COP1: variants seen among roughly 807,000 people sequenced by gnomAD.
COP1 encodes the protein E3 ubiquitin-protein ligase COP1.
Under a neutral mutation model 101.3 loss-of-function variants are expected in COP1, and 24 were observed. The ratio of observed to expected loss-of-function variants is 0.24; its 90% CI spans 0.17 to 0.33. The LOEUF is 0.33. COP1 is among the 10% of genes least tolerant of loss of function. The pLI is 1.00. For missense variants in COP1, 663 were observed against 906.2 expected (o/e 0.73, Z 3.45); for synonymous variants, 347 against 341.9 (o/e 1.01, Z -0.17).
chr1:176,139,288 C>CAAAAA (rs563184945), intron 6 of COP1, among the ~76,000 whole-genome samples: 1 of 108,382 alleles, frequency 9.2e-6, no homozygotes, highest in African/African-American at 3.2e-5. Context: ...ACAAAAAAAA[C>CAAAAA]AAAAAAAAAA....
chr1:175,999,478 A>G (rs1189296413), intron 15 of COP1, among the ~76,000 whole-genome samples: 3 of 151,928 alleles, frequency 2.0e-5, no homozygotes, highest in Non-Finnish European at 2.9e-5. Flanking sequence ...TCCATTTTGT[A>G]TATGTACCAC....
chr1:176,190,852 G>A (rs1203996580), intron 1 of COP1, among the ~76,000 whole-genome samples: 1 of 151,784 alleles, frequency 6.6e-6, no homozygotes, highest in African/African-American at 2.4e-5. Context: ...TTCATAAAAT[G>A]TGTCAACTGT....
At position 176,133,758 on chromosome 1, in the gene COP1, TAAAC is replaced by T. The variant is rs1289426334; in HGVS notation, c.968+1248_968+1251del. 1.2e-5 allele frequency: 5 copies of T among 408,630 alleles called. No individual in the cohort carries two copies. The East Asian group carries it at 2.8e-4, about 23-fold the overall frequency. 25.3% of individuals were successfully genotyped at this position (408,630 alleles called of 1,614,324 possible). A position where few individuals can be genotyped will look rare whatever the true frequency, so the allele number is the denominator to read the frequency against. ...ATATACAAAAAAAATTTGCTACTGTTAAACAGAGAGGAAAAAGACAATGGGAATG... is the reference window on the plus strand; with the variant it reads ...ATATACAAAAAAAATTTGCTACTGTTAGAGAGGAAAAAGACAATGGGAATG... On this transcript the variant is annotated intron_variant, in intron 8 of 19. Transcript: ENST00000367669.
chr1:176,187,335 T>G (rs1157219009), intron 1 of COP1, among the ~76,000 whole-genome samples: 4 of 151,942 alleles, frequency 2.6e-5, no homozygotes, highest in Admixed American at 1.3e-4. Flanking sequence ...CATATACACA[T>G]ATATACACAC....
chr1:175,997,074 C>A (rs150147152), intron 15 of COP1, among the ~76,000 whole-genome samples: 2 of 151,412 alleles, frequency 1.3e-5, no homozygotes, highest in Non-Finnish European at 2.9e-5. Flanking sequence ...GAACAGAACA[C>A]AGTCCTCAGA....
chr1:176,159,571 C>T (rs780641670), intron 5 of COP1, among the ~76,000 whole-genome samples: 7 of 151,934 alleles, frequency 4.6e-5, no homozygotes, highest in South Asian at 2.1e-4. Flanking sequence ...ACCTAAATGC[C>T]CATCAATAGA....
intron 1 of COP1, among the ~76,000 whole-genome samples, chr1:176,205,889 G>T (rs1700791847): frequency 6.6e-6 from 1 of 152,196 alleles, no homozygotes; most frequent in South Asian, 2.1e-4. Context: ...TTTAACAAAC[G>T]TGGTTCTCTC....
rs114319140 is a variant in COP1, at chr1:176,183,430, T to C, written c.467+1203A>G. Among the ~76,000 whole-genome samples the C allele has an allele frequency of 1.9e-3, 290 of 152,340 alleles. 3 individuals are homozygous for C. The highest frequency in any genetic ancestry group is 6.7e-3 in the African/African-American group (280 of 41,584). On this transcript the variant is annotated intron_variant, in intron 2 of 19. Transcript: ENST00000367669. ...ATTACACATCCATCAGGATGGCTAC[T>C]ATCAAAAACCAACAACAGAAAATAA...
intron 15 of COP1, among the ~76,000 whole-genome samples, chr1:176,002,430 G>T (rs1325900852): frequency 6.6e-6 from 1 of 151,846 alleles, no homozygotes; most frequent in Non-Finnish European, 1.5e-5. Context: ...ATGTATACAT[G>T]TGCCATGCTG....
At chr1:176,201,099 G>A (rs1399589954) in intron 1 of COP1, among the ~76,000 whole-genome samples, 3 of 152,138 alleles carry the variant, frequency 2.0e-5, no homozygotes, top group East Asian at 3.9e-4. Flanking sequence ...ACTATCAGAG[G>A]AAATGCTCAC....
chr1:176,040,708 C>T (rs2149160736), intron 14 of COP1, among the ~76,000 whole-genome samples: 1 of 152,248 alleles, frequency 6.6e-6, no homozygotes, highest in East Asian at 1.9e-4. Context: ...AGGGGCAGTC[C>T]ACTCTTGTTT....
chr1:175,973,181 A>G (rs944970409), intron 18 of COP1, among the ~76,000 whole-genome samples: 8 of 152,188 alleles, frequency 5.3e-5, no homozygotes, highest in Non-Finnish European at 8.8e-5. Flanking sequence ...AGTGAAATGT[A>G]TTTGGTTAAA....
At chr1:176,165,585 C>T (rs1430845037) in intron 3 of COP1, among the ~76,000 whole-genome samples, 1 of 152,050 alleles carries the variant, frequency 6.6e-6, no homozygotes, top group Admixed American at 6.6e-5. Flanking sequence ...GTCTCAGCTA[C>T]TCGGGAGGCT....
chr1:175,972,895 C>T (rs376983016), intron 18 of COP1, among the ~76,000 whole-genome samples: 1 of 152,142 alleles, frequency 6.6e-6, no homozygotes, highest in Non-Finnish European at 1.5e-5. Flanking sequence ...TGCAATGGCA[C>T]GATCTTGGCT....
chr1:176,081,109 A>G (rs1279011029), intron 11 of COP1, 43 bp downstream of exon 11: 2 of 1,495,044 alleles, frequency 1.3e-6, no homozygotes, highest in South Asian at 2.4e-5. Flanking sequence ...ATTAGATTCT[A>G]GACATTCTTA....
intron 9 of COP1, among the ~76,000 whole-genome samples, chr1:176,090,323 G>C (rs1363931041): frequency 6.6e-6 from 1 of 152,128 alleles, no homozygotes. Flanking sequence ...TTGGGCACAT[G>C]TTCTCAGGAC....
At chr1:176,196,099 T>C (rs1342753822) in intron 1 of COP1, among the ~76,000 whole-genome samples, 1 of 152,146 alleles carries the variant, frequency 6.6e-6, no homozygotes, top group Non-Finnish European at 1.5e-5. Flanking sequence ...GATTGAAAAT[T>C]TGAAGATACA....
intron 11 of COP1, among the ~76,000 whole-genome samples, chr1:176,055,389 C>G (rs1296771348): frequency 6.6e-6 from 1 of 152,124 alleles, no homozygotes; most frequent in Non-Finnish European, 1.5e-5. Context: ...AAGCCGAGAT[C>G]GCACCACTGA....
chr1:176,007,299 G>A (rs1042410798), intron 15 of COP1, among the ~76,000 whole-genome samples: 29 of 152,032 alleles, frequency 1.9e-4, no homozygotes, highest in Non-Finnish European at 3.8e-4. Flanking sequence ...ATGTCCTCCC[G>A]TAGCTCAGAG....
Sources: allele counts gnomAD v4.1 joint callset (sites outside exome capture counted in the v4.1 genomes callset), GRCh38; gene constraint gnomAD v4.1.1; transcripts MANE v1.5; gene names NCBI Gene and HGNC (gene_info 2026-07-23, HGNC 2026-07-21).